TENM4: variants seen among roughly 807,000 people sequenced by gnomAD.
TENM4 encodes the protein teneurin transmembrane protein 4, also known as teneurin-4.
In TENM4, 82 loss-of-function variants were observed where a neutral mutation model predicts 243.3. The observed-to-expected ratio is 0.34, with a 90% confidence interval of 0.28 to 0.40. The LOEUF is 0.40. Ranked by LOEUF, TENM4 falls within the 10% of genes least tolerant of loss-of-function variation. The pLI is 1.00. For missense variants in TENM4, 3,138 were observed against 3,673.3 expected, an observed-to-expected ratio of 0.85 and a Z score of 3.77; for synonymous variants, 1,412 against 1,456.3, an observed-to-expected ratio of 0.97 and a Z score of 0.69.
At chr11:79,113,425 T>C (rs2137111786) in intron 4 of TENM4, among the ~76,000 whole-genome samples, 1 of 150,014 alleles carries the variant, frequency 6.7e-6, no homozygotes, top group Non-Finnish European at 1.5e-5. Context: ...GTGTGTTGTG[T>C]GTGTGACAGA....
intron 2 of TENM4, among the ~76,000 whole-genome samples, chr11:79,252,952 T>C (rs1855637798): frequency 6.6e-6 from 1 of 152,236 alleles, no homozygotes; most frequent in Non-Finnish European, 1.5e-5. Flanking sequence ...TGCAGCATGA[T>C]TGTGACAGTA....
intron 6 of TENM4, among the ~76,000 whole-genome samples, chr11:78,972,518 C>T (rs576239707): frequency 2.2e-4 from 34 of 152,080 alleles, no homozygotes; most frequent in Non-Finnish European, 4.4e-4. Context: ...CTGTTTCACC[C>T]GCCTGCCTGG....
intron 4 of TENM4, among the ~76,000 whole-genome samples, chr11:79,137,274 C>A (rs1279533791): frequency 6.6e-6 from 1 of 152,128 alleles, no homozygotes. Context: ...ACAGTGTTGG[C>A]TGGGGTGACT....
At chr11:79,374,336 C>T (rs996758918) in intron 1 of TENM4, among the ~76,000 whole-genome samples, 10 of 152,102 alleles carry the variant, frequency 6.6e-5, no homozygotes, top group African/African-American at 2.4e-4. Flanking sequence ...TCATTTGTCG[C>T]CTCAATCTTT....
chr11:79,110,261 T>C (rs537000571), intron 4 of TENM4, among the ~76,000 whole-genome samples: 1 of 152,306 alleles, frequency 6.6e-6, no homozygotes, highest in South Asian at 2.1e-4. Context: ...GCCATAAGCC[T>C]ACTATACAGC....
intron 4 of TENM4, among the ~76,000 whole-genome samples, chr11:79,077,840 C>T (rs1860571998): frequency 6.6e-6 from 1 of 152,172 alleles, no homozygotes; most frequent in Non-Finnish European, 1.5e-5. Context: ...GCAGAGAGAG[C>T]CTGCCCTCGG....
intron 6 of TENM4, among the ~76,000 whole-genome samples, chr11:78,913,634 T>TGTGTG (rs1856247645): frequency 7.1e-6 from 1 of 141,738 alleles, no homozygotes; most frequent in African/African-American, 2.7e-5. Flanking sequence ...TGTGTGAGTG[T>TGTGTG]CGGGGGTGGA....
intron 2 of TENM4, among the ~76,000 whole-genome samples, chr11:79,272,986 T>C (rs181296381): frequency 1.3e-5 from 2 of 152,306 alleles, no homozygotes; most frequent in East Asian, 3.9e-4. Flanking sequence ...ATTGATCTGC[T>C]CAGGGATGGT....
chr11:79,354,425 C>A (rs1857464483), intron 1 of TENM4, among the ~76,000 whole-genome samples: 2 of 152,106 alleles, frequency 1.3e-5, no homozygotes, highest in Admixed American at 1.3e-4. Flanking sequence ...GGACTTGGTG[C>A]CATTTAACAA....
intron 4 of TENM4, among the ~76,000 whole-genome samples, chr11:79,138,569 C>T (rs1448938712): frequency 0.14 from 3,764 of 27,788 alleles, 266 homozygotes; most frequent in Non-Finnish European, 0.17. Context: ...ATACATAAAA[C>T]ATATATTTAT....
At chr11:79,036,503 T>C (rs1050046603) in intron 6 of TENM4, among the ~76,000 whole-genome samples, 3 of 152,118 alleles carry the variant, frequency 2.0e-5, no homozygotes, top group Non-Finnish European at 4.4e-5. Flanking sequence ...TCATGACCAG[T>C]GTACCACACT....
At chr11:79,013,792 C>T (rs773549944) in intron 6 of TENM4, among the ~76,000 whole-genome samples, 1 of 152,174 alleles carries the variant, frequency 6.6e-6, no homozygotes, top group South Asian at 2.1e-4. Context: ...ATAACAACTC[C>T]TCTGCTGGGC....
chr11:78,912,360 T>A (rs1856207799), intron 6 of TENM4, among the ~76,000 whole-genome samples: 1 of 152,196 alleles, frequency 6.6e-6, no homozygotes, highest in Non-Finnish European at 1.5e-5. Context: ...GTTCAAGCAA[T>A]TCTCCTGCCT....
chr11:79,335,449 G>C (rs778972504), intron 1 of TENM4, among the ~76,000 whole-genome samples: 13 of 152,230 alleles, frequency 8.5e-5, no homozygotes, highest in Admixed American at 7.2e-4. Context: ...CATAAACTAA[G>C]AAATGGCTGT....
chr11:79,025,646 T>C (rs925628396), intron 6 of TENM4, among the ~76,000 whole-genome samples: 1 of 152,218 alleles, frequency 6.6e-6, no homozygotes, highest in Non-Finnish European at 1.5e-5. Context: ...TAAGGTCCCA[T>C]GGGCAGTCAT....
At chr11:79,223,453 G>T (rs536036425) in intron 2 of TENM4, among the ~76,000 whole-genome samples, 7 of 152,312 alleles carry the variant, frequency 4.6e-5, no homozygotes, top group Middle Eastern at 3.4e-3. Flanking sequence ...AACCACTGGA[G>T]TTGTCCCAGA....
rs118140627 is a variant in TENM4, at chr11:78,927,551, T to C, written c.494-24028A>G. Among the ~76,000 whole-genome samples the C allele has an allele frequency of 6.4e-3, 970 of 152,322 alleles. 15 individuals are homozygous for C. Among genetic ancestry groups the C allele is most frequent in the East Asian group, 0.018 (91 of 5,178 alleles). On this transcript the variant is annotated intron_variant, in intron 6 of 33. Transcript: ENST00000278550. ...GAGTGGCTAACAGAGGCTTTTCTTA[T>C]AGAAGATGTTATTCAAAATAGAGGA...
At chr11:78,786,647 G>A (rs1856941603) in intron 16 of TENM4, among the ~76,000 whole-genome samples, 1 of 152,334 alleles carries the variant, frequency 6.6e-6, no homozygotes, top group South Asian at 2.1e-4. Context: ...AGGAGCTAAA[G>A]AGCAAGGTGT....
At position 79,438,524 on chromosome 11, in the gene TENM4, T is replaced by A. The variant is rs1392478280; in HGVS notation, c.-321+1985A>T. Among the ~76,000 whole-genome samples the A allele has an allele frequency of 2.0e-5, 3 of 152,114 alleles. No individual in the cohort carries two copies. Among genetic ancestry groups the A allele is most frequent in the African/African-American group, 7.2e-5 (3 of 41,432 alleles). The stretch of plus-strand genomic sequence containing the variant: ...CCGGCAGAGCCAGCGTTCTACTCCC[T>A]CTAACCCCTCGCCAGCGTGGGCCTG... On this transcript the variant is annotated intron_variant, in intron 1 of 33. Transcript: ENST00000278550. The surrounding 1 kb of genome is among the most constrained non-coding windows in gnomAD (Gnocchi z 4.1).
Sources: allele counts gnomAD v4.1 joint callset (sites outside exome capture counted in the v4.1 genomes callset), GRCh38; gene constraint gnomAD v4.1.1; non-coding constraint Gnocchi (gnomAD v3.1); transcripts MANE v1.5; gene names NCBI Gene and HGNC (gene_info 2026-07-23, HGNC 2026-07-21).